PRKN: variants seen among roughly 807,000 people sequenced by gnomAD.
The protein encoded by PRKN is parkin RBR E3 ubiquitin protein ligase.
A neutral mutation model predicts 59.5 loss-of-function variants in PRKN; 56 were observed. The observed-to-expected ratio is 0.94, with a 90% CI of 0.76 to 1.18. PRKN has a LOEUF of 1.18. PRKN is among the 50% of genes most tolerant of loss of function. The pLI is 0.00. For missense variants in PRKN, 657 were observed against 596.4 expected (o/e 1.10, Z -1.06); for synonymous variants, 250 against 222.1 (o/e 1.13, Z -1.12).
At chr6:161,716,715 T>C (rs549747847) in intron 7 of PRKN, among the ~76,000 whole-genome samples, 1 of 152,248 alleles carries the variant, frequency 6.6e-6, no homozygotes, top group East Asian at 1.9e-4. Flanking sequence ...AGACCAACAA[T>C]GGTGAAACAA....
intron 4 of PRKN, among the ~76,000 whole-genome samples, chr6:162,081,616 A>C (rs918903077): frequency 7.2e-5 from 11 of 152,150 alleles, no homozygotes; most frequent in Admixed American, 7.2e-4. Flanking sequence ...TTTATAGAGC[A>C]CAGGCACAGT....
intron 3 of PRKN, among the ~76,000 whole-genome samples, chr6:162,240,639 A>T (rs1778946223): frequency 6.6e-6 from 1 of 152,176 alleles, no homozygotes; most frequent in Non-Finnish European, 1.5e-5. Flanking sequence ...AATCATACTG[A>T]TTGTTTACCT....
At position 162,646,927 on chromosome 6, in the gene PRKN, A is replaced by G. The variant is rs1583975768; in HGVS notation, c.7+80735T>C. Among the ~76,000 whole-genome samples the G allele has an allele frequency of 2.6e-5, 4 of 152,312 alleles. 1 individual carries two copies. The South Asian group carries it at 8.3e-4, about 32-fold the overall frequency. On this transcript the variant is annotated intron_variant, in intron 1 of 11. Coordinates refer to ENST00000366898, the MANE Select transcript of PRKN (RefSeq NM_004562.3). ...CTGTCACATATGCAGTCTGTCATTG[A>G]CCAAAACATTATTATGTGGCACATG... is the stretch of plus-strand genomic sequence containing the variant.
At chr6:161,678,971 G>A (rs1029807422) in intron 7 of PRKN, among the ~76,000 whole-genome samples, 2 of 152,192 alleles carry the variant, frequency 1.3e-5, no homozygotes, top group Non-Finnish European at 2.9e-5. Context: ...CAGGAGAAGT[G>A]AATTGAGCTA....
At chr6:161,426,511 G>A (rs749127749) in intron 9 of PRKN, among the ~76,000 whole-genome samples, 9 of 151,892 alleles carry the variant, frequency 5.9e-5, no homozygotes, top group Admixed American at 2.6e-4. Flanking sequence ...GGATGCTTCC[G>A]GCCCTTGAAC....
chr6:161,677,390 T>C (rs544029149), intron 7 of PRKN, among the ~76,000 whole-genome samples: 3 of 152,318 alleles, frequency 2.0e-5, no homozygotes, highest in African/African-American at 7.2e-5. Flanking sequence ...CACTGTATGA[T>C]ATCACAAATA....
At chr6:162,545,884 C>T (rs1231090927) in intron 1 of PRKN, among the ~76,000 whole-genome samples, 3 of 152,004 alleles carry the variant, frequency 2.0e-5, no homozygotes, top group African/African-American at 7.3e-5. Flanking sequence ...TATGGTGCTT[C>T]AAGACTGAAG....
chr6:161,808,914 C>T (rs943945938), intron 6 of PRKN, among the ~76,000 whole-genome samples: 24 of 152,066 alleles, frequency 1.6e-4, no homozygotes, highest in South Asian at 2.1e-4. Context: ...GATCACAGTT[C>T]GCTGTAGCCT....
At chr6:161,910,671 G>A (rs909763705) in intron 6 of PRKN, among the ~76,000 whole-genome samples, 4 of 152,222 alleles carry the variant, frequency 2.6e-5, no homozygotes, top group Non-Finnish European at 4.4e-5. Context: ...CTATCAAACA[G>A]CATCATGGTA....
At chr6:161,382,922 C>G (rs1341184427) in intron 10 of PRKN, among the ~76,000 whole-genome samples, 1 of 152,110 alleles carries the variant, frequency 6.6e-6, no homozygotes, top group East Asian at 1.9e-4. Flanking sequence ...CCAATCAATG[C>G]TAAAGGGAAG....
At chr6:161,595,026 G>T (rs1781864327) in intron 7 of PRKN, among the ~76,000 whole-genome samples, 1 of 152,108 alleles carries the variant, frequency 6.6e-6, no homozygotes, top group Admixed American at 6.6e-5. Context: ...TGACTGTATT[G>T]GGTGGGTACC....
chr6:162,446,845 C>T (rs1790339008), intron 1 of PRKN, among the ~76,000 whole-genome samples: 1 of 152,120 alleles, frequency 6.6e-6, no homozygotes, highest in African/African-American at 2.4e-5. Flanking sequence ...CCCTGAACTC[C>T]AGCCATGATT....
rs1176298081 is a variant in PRKN at position 161,373,398 on chromosome 6, T to C, written c.1168-13193A>G. Among the ~76,000 whole-genome samples the C allele has an allele frequency of 1.3e-5, 2 of 152,120 alleles. No homozygotes were observed. Among genetic ancestry groups the C allele is most frequent in the Non-Finnish European group, 2.9e-5 (2 of 68,034 alleles). On this transcript the variant is annotated intron_variant, in intron 10 of 11. Transcript: ENST00000366898. This position sits in a 1 kb window ranked among gnomAD's most constrained non-coding sequence, Gnocchi z 4.8. The stretch of plus-strand genomic sequence containing the variant: ...GATCTGTTTGACTTCAAGCCCCCTC[T>C]GCTTGTCTTGGATTCCTCAGACACG...
At chr6:161,960,695 G>A (rs1367235969) in intron 6 of PRKN, among the ~76,000 whole-genome samples, 1 of 152,212 alleles carries the variant, frequency 6.6e-6, no homozygotes, top group African/African-American at 2.4e-5. Context: ...GTGCTGCAAT[G>A]ATGTAGGACT....
chr6:161,724,404 T>C (rs56749166), intron 7 of PRKN, among the ~76,000 whole-genome samples: 16,861 of 152,190 alleles, frequency 0.11, 1,882 homozygotes, highest in African/African-American at 0.29. Flanking sequence ...GGTTGAAAAA[T>C]ATGGTAAGCG....
At chr6:161,717,180 C>A (rs754084962) in intron 7 of PRKN, among the ~76,000 whole-genome samples, 2 of 152,198 alleles carry the variant, frequency 1.3e-5, no homozygotes, top group Admixed American at 6.5e-5. Context: ...ACAGACATTT[C>A]TTTCTTACAG....
Position 162,161,162 on chromosome 6 carries a change from G to C in PRKN, c.534+39969C>G, listed in dbSNP as rs528743292. On this transcript the variant is annotated intron_variant, in intron 4 of 11. Transcript: ENST00000366898. ...TAGGATCAGGCACATCTATAGCAAAGCTCACAGGTTTATCCACAAAGGCCA... is the reference window on the plus strand; with the variant it reads ...TAGGATCAGGCACATCTATAGCAAACCTCACAGGTTTATCCACAAAGGCCA... Among the ~76,000 whole-genome samples, 6 of 152,248 alleles carry C rather than the reference G, an allele frequency of 3.9e-5. No homozygotes were observed. The East Asian group carries it at 1.2e-3, about 30-fold the overall frequency.
Position 162,056,345 on chromosome 6 carries a change from C to T in PRKN, c.535-2171G>A, listed in dbSNP as rs1043023606. Among the ~76,000 whole-genome samples the T allele has an allele frequency of 1.3e-5, 2 of 151,806 alleles. No homozygotes were observed. The highest frequency in any genetic ancestry group is 6.6e-5 in the Admixed American group (1 of 15,238). Reference sequence around the variant, plus strand: ...CACACACACAATACCACACAGCACACAGGCATACACATACTACATACACTC... The same window carrying T: ...CACACACACAATACCACACAGCACATAGGCATACACATACTACATACACTC... On this transcript the variant is annotated intron_variant, in intron 4 of 11. Transcript: ENST00000366898. This position sits in a 1 kb window ranked among gnomAD's most constrained non-coding sequence, Gnocchi z 4.9.
chr6:162,515,706 T>C (rs1174015493), intron 1 of PRKN, among the ~76,000 whole-genome samples: 1 of 152,162 alleles, frequency 6.6e-6, no homozygotes, highest in Non-Finnish European at 1.5e-5. Context: ...TGAATCAGCT[T>C]TCTCTTCCTA....
Sources: gnomAD v4.1 joint callset for allele counts (sites outside exome capture counted in the v4.1 genomes callset) on GRCh38, gnomAD v4.1.1 for gene constraint, Gnocchi (gnomAD v3.1) non-coding constraint, MANE v1.5 for transcripts, NCBI Gene and HGNC (gene_info 2026-07-23, HGNC 2026-07-21) for gene names.